The following PREX2 variants were observed in gnomAD, a reference collection of about 807,000 sequenced individuals.
PREX2 encodes the protein phosphatidylinositol-3,4,5-trisphosphate dependent Rac exchange factor 2.
In PREX2, 107 loss-of-function variants were observed where a neutral mutation model predicts 203.2. The ratio of observed to expected loss-of-function variants is 0.53; its 90% CI spans 0.45 to 0.62. PREX2 has a LOEUF of 0.62. Ranked by LOEUF, PREX2 falls within the 20% of genes least tolerant of loss-of-function variation. The pLI is 0.00. For synonymous variants in PREX2, 672 were observed against 663.6 expected, an observed-to-expected ratio of 1.01 and a Z score of -0.19; for missense variants, 1,777 against 1,955.9, an observed-to-expected ratio of 0.91 and a Z score of 1.72.
At chr8:68,048,032 T>G (rs1808421341) in intron 8 of PREX2, among the ~76,000 whole-genome samples, 1 of 152,008 alleles carries the variant, frequency 6.6e-6, no homozygotes. Flanking sequence ...TGCAAAAATT[T>G]GTATATATAT....
chr8:68,093,461 A>G (rs1006143193), intron 20 of PREX2, 144 bp from the exon 21 acceptor site: 6 of 451,568 alleles, frequency 1.3e-5, no homozygotes, highest in Non-Finnish European at 2.5e-5. Flanking sequence ...AGTTTTTATT[A>G]GTTTCTGATG....
intron 1 of PREX2, among the ~76,000 whole-genome samples, chr8:68,008,379 C>T (rs1440080379): frequency 2.0e-5 from 3 of 151,986 alleles, no homozygotes; most frequent in Admixed American, 2.0e-4. Flanking sequence ...AAACAAATTG[C>T]AGACTAAGGA....
chr8:67,952,730 G>T, intron 1 of PREX2, 195 bp downstream of exon 1: 2 of 723,876 alleles, frequency 2.8e-6, no homozygotes, highest in Non-Finnish European at 4.8e-6. Context: ...TTGGTGCCCC[G>T]AGACTCACTG....
intron 37 of PREX2, among the ~76,000 whole-genome samples, chr8:68,198,537 G>T (rs186664160): frequency 2.6e-5 from 4 of 151,824 alleles, no homozygotes; most frequent in Admixed American, 6.6e-5. Flanking sequence ...AATTTGTTTT[G>T]GTTCTTTATT....
intron 1 of PREX2, among the ~76,000 whole-genome samples, chr8:68,012,904 G>A (rs1490152622): frequency 1.3e-5 from 2 of 152,178 alleles, no homozygotes; most frequent in African/African-American, 4.8e-5. Flanking sequence ...TGTCAATAAT[G>A]TCAAGACTGA....
intron 39 of PREX2, among the ~76,000 whole-genome samples, chr8:68,227,985 G>C (rs1813085124): frequency 6.6e-6 from 1 of 152,150 alleles, no homozygotes; most frequent in Non-Finnish European, 1.5e-5. Context: ...GATGAGAAAT[G>C]CTTCATGCAC....
chr8:67,952,522 A>T lies in PREX2; in HGVS notation c.128A>T (p.Glu43Val). ...KTERDYVGTL[E>V]FLVSAFLHRM... Reference sequence around the variant, plus strand: ...GAGCGGGACTATGTGGGCACGCTGGAGTTCCTGGTGTCGGTGAGTGTCCCC... The same window carrying T: ...GAGCGGGACTATGTGGGCACGCTGGTGTTCCTGGTGTCGGTGAGTGTCCCC... Residue 43 changes from glutamate to valine, a missense_variant, in exon 1 of 40, where the codon GAG becomes GTG. Glu to Val is a moderately radical substitution (Grantham distance 121). Transcript: ENST00000288368. 1 of 1,609,980 alleles carries T rather than the reference A, an allele frequency of 6.2e-7. No homozygotes were observed. Among genetic ancestry groups the T allele is most frequent in the Non-Finnish European group, 8.5e-7 (1 of 1,178,234 alleles).
intron 1 of PREX2, among the ~76,000 whole-genome samples, chr8:67,976,472 C>G (rs200577516): frequency 0.013 from 861 of 66,058 alleles, 20 homozygotes; most frequent in Non-Finnish European, 0.02. Flanking sequence ...GAGACAGAGA[C>G]AGAGAGAGAG....
intron 1 of PREX2, among the ~76,000 whole-genome samples, chr8:68,000,451 C>A (rs1182380388): frequency 6.6e-6 from 1 of 152,078 alleles, no homozygotes; most frequent in Non-Finnish European, 1.5e-5. Context: ...TCAGAGATGA[C>A]ACAAACAAAT....
At chr8:67,953,248 G>A (rs1016833643) in intron 1 of PREX2, among the ~76,000 whole-genome samples, 4 of 142,144 alleles carry the variant, frequency 2.8e-5, no homozygotes, top group African/African-American at 1.1e-4. Flanking sequence ...GCCCATGAGA[G>A]TGCTGTAATC....
chr8:68,178,567 T>G (rs1274492686), intron 35 of PREX2, among the ~76,000 whole-genome samples: 1 of 152,186 alleles, frequency 6.6e-6, no homozygotes, highest in East Asian at 1.9e-4. Flanking sequence ...GCAGGTTGTC[T>G]GCTCTGATGA....
At position 67,971,441 on chromosome 8, in the gene PREX2, A is replaced by G. The variant is rs796387002; in HGVS notation, c.141+18906A>G. Among the ~76,000 whole-genome samples the G allele has an allele frequency of 9.8e-5, 15 of 152,290 alleles. 1 individual carries two copies. Among genetic ancestry groups the G allele is most frequent in the Admixed American group, 2.6e-4 (4 of 15,298 alleles). On this transcript the variant is annotated intron_variant, in intron 1 of 39. Coordinates refer to ENST00000288368, the MANE Select transcript of PREX2 (RefSeq NM_024870.4). ...AATTGCTATTTTTAAAAAGCTCCCC[A>G]GGTGATTCTAATGTGGGAGTAGGGT...
intron 8 of PREX2, among the ~76,000 whole-genome samples, chr8:68,052,853 T>A (rs1225835516): frequency 2.0e-5 from 3 of 152,238 alleles, no homozygotes; most frequent in Admixed American, 2.0e-4. Context: ...GTTTGTAGTG[T>A]TTAGTTTCAT....
intron 1 of PREX2, among the ~76,000 whole-genome samples, chr8:67,996,434 T>G (rs143749465): frequency 0.013 from 1,905 of 152,176 alleles, 15 homozygotes; most frequent in Non-Finnish European, 0.021. Flanking sequence ...CCTCAAGTGA[T>G]CCTCCTGCCT....
intron 37 of PREX2, among the ~76,000 whole-genome samples, chr8:68,212,857 AG>A (rs1585868375): frequency 6.6e-6 from 1 of 152,196 alleles, no homozygotes; most frequent in East Asian, 1.9e-4. Context: ...ATGCAAAAAA[AG>A]AAAAAACTTC....
chr8:68,189,762 A>T (rs551313045), intron 35 of PREX2, among the ~76,000 whole-genome samples: 12 of 152,234 alleles, frequency 7.9e-5, no homozygotes, highest in African/African-American at 2.4e-4. Context: ...GCTTAGGCTG[A>T]GGGAACTGCA....
intron 33 of PREX2, among the ~76,000 whole-genome samples, chr8:68,140,991 A>T (rs1811218500): frequency 6.6e-6 from 1 of 152,186 alleles, no homozygotes; most frequent in Non-Finnish European, 1.5e-5. Context: ...ATTATTAAAT[A>T]TATATAACAT....
In PREX2 at chr8:68,191,844, T is replaced by A. The variant is rs184047352; in HGVS notation, c.4413+56T>A. 3.9e-4 allele frequency: 474 copies of A among 1,201,240 alleles called. 1 individual carries two copies. In the East Asian group the frequency reaches 6.5e-3, roughly 16 times the overall value. The allele number at this position is 1,201,240 out of a possible 1,614,324, so 74.4% of individuals were successfully genotyped here. ...TTTTTAATTTAAATATCTCCCTTTT[T>A]AATTTTCTGCTGTTGTTCTGCAGAA... On this transcript the variant is annotated intron_variant, in intron 36 of 39. Coordinates refer to ENST00000288368, the MANE Select transcript of PREX2 (RefSeq NM_024870.4).
intron 15 of PREX2, among the ~76,000 whole-genome samples, chr8:68,078,002 C>T (rs1040388739): frequency 3.3e-5 from 5 of 151,718 alleles, no homozygotes; most frequent in Non-Finnish European, 4.4e-5. Flanking sequence ...AGTAAGTCAC[C>T]ACAAAACCTC....
Sources: allele counts gnomAD v4.1 joint callset (sites outside exome capture counted in the v4.1 genomes callset), GRCh38; gene constraint gnomAD v4.1.1; transcripts MANE v1.5; gene names NCBI Gene and HGNC (gene_info 2026-07-23, HGNC 2026-07-21).